Variants in RBBP5 observed in about 807,000 individuals in gnomAD.
The protein encoded by RBBP5 is RB binding protein 5, histone lysine methyltransferase complex subunit.
A neutral mutation model predicts 72.2 loss-of-function variants in RBBP5; 5 were observed. The ratio of observed to expected loss-of-function variants is 0.07; its 90% CI spans 0.04 to 0.15. The LOEUF (loss-of-function observed/expected upper bound fraction) is 0.15. Among genes scored for constraint, RBBP5 ranks in the 10% least tolerant of loss-of-function variants. The pLI is 1.00. For missense variants in RBBP5, 322 were observed against 652.2 expected (o/e 0.49, Z 5.51); for synonymous variants, 209 against 237.2 (o/e 0.88, Z 1.09).
At chr1:205,113,047 G>C (rs749087610) in intron 3 of RBBP5, among the ~76,000 whole-genome samples, 57 of 152,078 alleles carry the variant, frequency 3.7e-4, no homozygotes, top group Non-Finnish European at 6.3e-4. Flanking sequence ...GGGATTTCAA[G>C]GTTGCAGTGA....
At position 205,088,407 on chromosome 1, in the gene RBBP5, G is replaced by A. The variant is rs779661123; in HGVS notation, c.*380C>T. The A allele has an allele frequency of 3.7e-5, 7 of 191,234 alleles. No homozygotes were observed. Among genetic ancestry groups the A allele is most frequent in the Non-Finnish European group, 6.4e-5 (6 of 93,192 alleles). The allele number at this position is 191,234 out of a possible 1,614,324, so 11.8% of individuals were successfully genotyped here. A position where few individuals can be genotyped will look rare whatever the true frequency, so the allele number is the denominator to read the frequency against. Reference sequence around the variant, plus strand: ...CACTCAAAGACATGCATTGAGGACCGAAGGCAAATGGGAGATAGGAAATGA... The same window carrying A: ...CACTCAAAGACATGCATTGAGGACCAAAGGCAAATGGGAGATAGGAAATGA... On this transcript the variant is annotated 3_prime_UTR_variant, in exon 14 of 14. Transcript: ENST00000264515.
At chr1:205,118,501 T>C (rs1305618213) in intron 1 of RBBP5, among the ~76,000 whole-genome samples, 3 of 151,914 alleles carry the variant, frequency 2.0e-5, no homozygotes, top group Non-Finnish European at 4.4e-5. Flanking sequence ...TAATCCCAGC[T>C]ACTTGGGAGG....
rs1228800704 is a variant in RBBP5, at chr1:205,087,616, A to G, written c.*1171T>C. Reference sequence around the variant, plus strand: ...GCACTTCCAGTCAGCTAAAAACGCCACTCAGAGAAGCTACTGAGCCCTTTT... The same window carrying G: ...GCACTTCCAGTCAGCTAAAAACGCCGCTCAGAGAAGCTACTGAGCCCTTTT... On this transcript the variant is annotated 3_prime_UTR_variant, in exon 14 of 14. Coordinates refer to ENST00000264515, the MANE Select transcript of RBBP5 (RefSeq NM_005057.4). The G allele has an allele frequency of 3.3e-5, 5 of 151,704 alleles. No individual in the cohort carries two copies. Among genetic ancestry groups the G allele is most frequent in the Non-Finnish European group, 7.4e-5 (5 of 67,872 alleles). 9.4% of individuals were successfully genotyped at this position (151,704 alleles called of 1,614,324 possible).
intron 5 of RBBP5, among the ~76,000 whole-genome samples, chr1:205,103,498 CT>C (rs1387165834): frequency 1.3e-5 from 2 of 152,180 alleles, no homozygotes; most frequent in Admixed American, 1.3e-4. Context: ...AGTCTCAGTA[CT>C]GTAAGTTAAG....
Position 205,121,750 on chromosome 1 carries a change from A to T in RBBP5, c.19+105T>A, listed in dbSNP as rs1656744929. On this transcript the variant is annotated intron_variant, in intron 1 of 13. Transcript: ENST00000264515. ...ACATCAGGTGTGCCCAGTGATCCATAGCCGAACAGTGTCCCTAAGATTGCA... is the reference window on the plus strand; with the variant it reads ...ACATCAGGTGTGCCCAGTGATCCATTGCCGAACAGTGTCCCTAAGATTGCA... The T allele has an allele frequency of 1.0e-5, 16 of 1,556,764 alleles. No homozygotes were observed. The South Asian group carries it at 1.4e-4, about 14-fold the overall frequency.
intron 10 of RBBP5, among the ~76,000 whole-genome samples, chr1:205,098,094 T>C (rs540112460): frequency 2.8e-4 from 42 of 152,272 alleles, no homozygotes; most frequent in Middle Eastern, 3.4e-3. Context: ...ATCACAGTCA[T>C]AATCATAATG....
chr1:205,089,574 C>T (rs774697122), intron 13 of RBBP5, among the ~76,000 whole-genome samples: 1 of 152,138 alleles, frequency 6.6e-6, no homozygotes, highest in East Asian at 1.9e-4. Context: ...AAAAAATAAT[C>T]GCCCAAACTA....
rs758119897 is a variant in RBBP5 at position 205,103,840 on chromosome 1, C to T, written c.522+17G>A. The T allele has an allele frequency of 2.5e-6, 4 of 1,602,218 alleles. No homozygotes were observed. The highest frequency in any genetic ancestry group is 3.4e-6 in the Non-Finnish European group (4 of 1,170,014). On this transcript the variant is annotated intron_variant, in intron 5 of 13. Transcript: ENST00000264515. The stretch of plus-strand genomic sequence containing the variant: ...GCCAGTGTACAAGATGCCTGATTTG[C>T]CAGCTTTTAGGCTTACCTTGCCTTT...
At chr1:205,100,827 G>A (rs1323915544) in intron 6 of RBBP5, among the ~76,000 whole-genome samples, 1 of 152,172 alleles carries the variant, frequency 6.6e-6, no homozygotes, top group East Asian at 1.9e-4. Context: ...CTGGTTTTGT[G>A]GAAGACAATT....
intron 1 of RBBP5, among the ~76,000 whole-genome samples, chr1:205,118,261 C>T (rs1471190749): frequency 6.6e-6 from 1 of 152,126 alleles, no homozygotes. Context: ...CAGTAAGACG[C>T]AATCCACCAT....
At chr1:205,108,778 G>A (rs757394650) in intron 3 of RBBP5, among the ~76,000 whole-genome samples, 2 of 152,116 alleles carry the variant, frequency 1.3e-5, no homozygotes, top group Non-Finnish European at 2.9e-5. Context: ...TCCTAGCTGT[G>A]TGATCTTAGC....
At chr1:205,110,625 TATTA>T (rs559460654) in intron 3 of RBBP5, among the ~76,000 whole-genome samples, 383 of 152,296 alleles carry the variant, frequency 2.5e-3, no homozygotes, top group African/African-American at 8.6e-3. Context: ...TGGATATATG[TATTA>T]ATTATTTCCC....
At chr1:205,105,277 T>G in intron 3 of RBBP5, 109 bp from the exon 4 acceptor site, 1 of 1,324,230 alleles carries the variant, frequency 7.6e-7, no homozygotes, top group Non-Finnish European at 1.0e-6. Flanking sequence ...AGGTCAACAA[T>G]GTTTTTGGTT....
At chr1:205,119,548 T>C (rs2102340119) in intron 1 of RBBP5, among the ~76,000 whole-genome samples, 1 of 152,286 alleles carries the variant, frequency 6.6e-6, no homozygotes, top group South Asian at 2.1e-4. Context: ...CAAGTAAGCG[T>C]CAACCTTTTG....
intron 3 of RBBP5, among the ~76,000 whole-genome samples, chr1:205,109,284 G>A (rs1656208198): frequency 2.7e-5 from 4 of 147,112 alleles, no homozygotes; most frequent in Non-Finnish European, 5.9e-5. Context: ...GAGGGTAAAG[G>A]GTAAGTTAAA....
intron 1 of RBBP5, among the ~76,000 whole-genome samples, chr1:205,117,891 C>A (rs1239943664): frequency 1.3e-5 from 2 of 152,040 alleles, no homozygotes; most frequent in African/African-American, 4.8e-5. Flanking sequence ...CTCCCTCCAA[C>A]CTCTGCCTCA....
At chr1:205,119,745 T>C (rs1003445455) in intron 1 of RBBP5, among the ~76,000 whole-genome samples, 1 of 152,244 alleles carries the variant, frequency 6.6e-6, no homozygotes, top group Non-Finnish European at 1.5e-5. Flanking sequence ...CATAGATTAA[T>C]ACATGGAAGG....
intron 3 of RBBP5, among the ~76,000 whole-genome samples, chr1:205,109,574 T>TAA (rs61377352): frequency 6.6e-6 from 1 of 150,552 alleles, no homozygotes; most frequent in Non-Finnish European, 1.5e-5. Flanking sequence ...GTGGGTGGGG[T>TAA]AAAAAAAAAA....
chr1:205,097,424 G>C, intron 10 of RBBP5, 29 bp from the exon 11 acceptor site: 2 of 1,549,250 alleles, frequency 1.3e-6, no homozygotes, highest in Non-Finnish European at 1.7e-6. Flanking sequence ...GGAGATGTTT[G>C]AGAAGAAGTG....
Sources: gnomAD v4.1 joint callset for allele counts (sites outside exome capture counted in the v4.1 genomes callset) on GRCh38, gnomAD v4.1.1 for gene constraint, MANE v1.5 for transcripts, NCBI Gene and HGNC (gene_info 2026-07-23, HGNC 2026-07-21) for gene names.